Variants in THSD7B observed in about 807,000 individuals in gnomAD.
THSD7B encodes the protein thrombospondin type 1 domain containing 7B.
A neutral mutation model predicts 213.6 loss-of-function variants in THSD7B; 138 were observed. The ratio of observed to expected loss-of-function variants is 0.65; its 90% CI spans 0.56 to 0.74. The LOEUF (loss-of-function observed/expected upper bound fraction) is 0.74. Among genes scored for constraint, THSD7B ranks in the 30% least tolerant of loss-of-function variants. THSD7B has a pLI of 0.00. For missense variants in THSD7B, 1,931 were observed against 1,991.5 expected (o/e 0.97, Z 0.58); for synonymous variants, 742 against 687.0 (o/e 1.08, Z -1.25).
At chr2:136,865,483 C>A (rs1178645745) in intron 1 of THSD7B, among the ~76,000 whole-genome samples, 1 of 152,192 alleles carries the variant, frequency 6.6e-6, no homozygotes, top group Non-Finnish European at 1.5e-5. Context: ...TCAATTACTG[C>A]ACAGGGTATT....
At chr2:137,211,340 A>ACACACACACACACACACACACACAGAGG (rs1553479467) in intron 7 of THSD7B, among the ~76,000 whole-genome samples, 6,731 of 107,488 alleles carry the variant, frequency 0.063, 355 homozygotes, top group Non-Finnish European at 0.097. Flanking sequence ...CTACACACAC[A>ACACACACACACACACACACACACAGAGG]CACACACACA....
In THSD7B at chr2:137,213,223, G is replaced by A. The variant is rs566723517; in HGVS notation, c.1724-17821G>A. Among the ~76,000 whole-genome samples the A allele has an allele frequency of 3.6e-3, 551 of 151,178 alleles. 5 individuals are homozygous for A. Among genetic ancestry groups the A allele is most frequent in the African/African-American group, 0.013 (527 of 41,336 alleles). On this transcript the variant is annotated intron_variant, in intron 7 of 27. Coordinates refer to ENST00000409968, the MANE Select transcript of THSD7B (RefSeq NM_001316349.2). ...AAAATTTATATTTCATTGTTAGGTA[G>A]CTAGCTAGCTAGATATCAGGTAGGT...
At chr2:137,197,441 A>G (rs940081586) in intron 7 of THSD7B, among the ~76,000 whole-genome samples, 1 of 152,242 alleles carries the variant, frequency 6.6e-6, no homozygotes, top group Non-Finnish European at 1.5e-5. Context: ...ATAAAAATAA[A>G]TACATTGAAA....
intron 1 of THSD7B, among the ~76,000 whole-genome samples, chr2:136,825,721 T>TTTTTTTTTTTTGTTTTTTTTG (rs1161483426): frequency 6.2e-5 from 9 of 146,038 alleles, no homozygotes; most frequent in Admixed American, 1.4e-4. Context: ...CTGGCTAATT[T>TTTTTTTTTTTTGTTTTTTTTG]TTTTTTTTTT....
chr2:137,636,059 C>T (rs147026701), intron 20 of THSD7B, among the ~76,000 whole-genome samples: 2 of 152,232 alleles, frequency 1.3e-5, no homozygotes, highest in East Asian at 3.9e-4. Context: ...TGACACATAT[C>T]CAGGCAGTCC....
At chr2:136,915,390 C>T (rs1684333094) in intron 2 of THSD7B, among the ~76,000 whole-genome samples, 1 of 152,124 alleles carries the variant, frequency 6.6e-6, no homozygotes, top group African/African-American at 2.4e-5. Context: ...TGATGTTTTT[C>T]CTGTGATAGT....
chr2:137,416,124 T>C (rs1686793707), intron 14 of THSD7B, among the ~76,000 whole-genome samples: 1 of 152,226 alleles, frequency 6.6e-6, no homozygotes, highest in Non-Finnish European at 1.5e-5. Flanking sequence ...CCAAAGTATG[T>C]CTTGTCTTTT....
At chr2:137,156,028 C>T (rs551269996) in intron 5 of THSD7B, 1 of 152,224 alleles carries the variant, frequency 6.6e-6, no homozygotes, top group East Asian at 1.9e-4. Context: ...AGAAACCACC[C>T]AAAGTCTTGG....
At chr2:137,186,224 CTTTAA>C (rs1433572890) in intron 7 of THSD7B, among the ~76,000 whole-genome samples, 12 of 151,882 alleles carry the variant, frequency 7.9e-5, no homozygotes, top group African/African-American at 2.7e-4. Flanking sequence ...TGCAGAAGCT[CTTTAA>C]TTTAATTAGG....
intron 2 of THSD7B, among the ~76,000 whole-genome samples, chr2:137,004,342 CACACAA>C (rs1256311506): frequency 3.0e-5 from 4 of 134,108 alleles, no homozygotes; most frequent in African/African-American, 8.2e-5. Context: ...CACACACACA[CACACAA>C]ACTTATTCCA....
intron 12 of THSD7B, among the ~76,000 whole-genome samples, chr2:137,371,056 C>T (rs1685528754): frequency 1.3e-5 from 2 of 151,882 alleles, no homozygotes; most frequent in Non-Finnish European, 1.5e-5. Flanking sequence ...GAGTAAATGT[C>T]TTCTCAAGAT....
At chr2:136,900,589 G>C (rs778012277) in intron 2 of THSD7B, among the ~76,000 whole-genome samples, 32 of 152,080 alleles carry the variant, frequency 2.1e-4, no homozygotes, top group Non-Finnish European at 8.8e-5. Context: ...AAAGGGATCT[G>C]TTTCCTATAC....
chr2:137,370,943 C>CT lies in THSD7B; in HGVS notation c.2501-34661dup, dbSNP rs1004036131. 9.3e-5 allele frequency among the ~76,000 whole-genome samples: 14 copies of CT among 151,028 alleles called. No homozygotes were observed. In the East Asian group the frequency reaches 9.7e-4, roughly 10 times the overall value. On this transcript the variant is annotated intron_variant, in intron 12 of 27. Transcript: ENST00000409968. Reference sequence around the variant, plus strand: ...CCATGGGTAAATAAACTATGATAATCTTTTTTTTTCATGCAGCATTTTACT... The same window carrying CT: ...CCATGGGTAAATAAACTATGATAATCTTTTTTTTTTCATGCAGCATTTTACT...
At chr2:137,418,978 G>T (rs1018880840) in intron 14 of THSD7B, among the ~76,000 whole-genome samples, 1 of 151,876 alleles carries the variant, frequency 6.6e-6, no homozygotes, top group African/African-American at 2.4e-5. Flanking sequence ...TGCAATCTGG[G>T]CTCACTGCAA....
At chr2:137,246,850 A>G (rs1047452088) in intron 10 of THSD7B, among the ~76,000 whole-genome samples, 5 of 152,120 alleles carry the variant, frequency 3.3e-5, no homozygotes, top group African/African-American at 9.7e-5. Context: ...GGTCTAGTTA[A>G]TAATAGCAAC....
At chr2:137,279,893 T>C (rs1465478869) in intron 12 of THSD7B, among the ~76,000 whole-genome samples, 1 of 152,194 alleles carries the variant, frequency 6.6e-6, no homozygotes. Flanking sequence ...CCTTTATCAA[T>C]TTGGAAAAGT....
intron 21 of THSD7B, among the ~76,000 whole-genome samples, chr2:137,647,138 C>A (rs1401171124): frequency 6.6e-6 from 1 of 152,158 alleles, no homozygotes; most frequent in African/African-American, 2.4e-5. Flanking sequence ...TGCTCCATGT[C>A]CTGGAATGCT....
chr2:137,285,581 C>CT lies in THSD7B; in HGVS notation c.2500+9571dup, dbSNP rs200149229. Among the ~76,000 whole-genome samples, 986 of 126,640 alleles carry CT rather than the reference C, an allele frequency of 7.8e-3. 6 individuals carry two copies. Among genetic ancestry groups the CT allele is most frequent in the African/African-American group, 0.022 (754 of 33,958 alleles). 83.1% of individuals were successfully genotyped at this position (126,640 alleles called of 152,430 possible). The stretch of plus-strand genomic sequence containing the variant: ...ATGTTTAGTGCTTCCTTCAGGAGCT[C>CT]TTTTTTTTTTTTTTTTAGAAAAGAT... On this transcript the variant is annotated intron_variant, in intron 12 of 27. Coordinates refer to ENST00000409968, the MANE Select transcript of THSD7B (RefSeq NM_001316349.2).
At chr2:137,440,522 G>A (rs916025463) in intron 14 of THSD7B, among the ~76,000 whole-genome samples, 4 of 151,404 alleles carry the variant, frequency 2.6e-5, no homozygotes, top group Non-Finnish European at 4.4e-5. Context: ...TGGTAAAGAA[G>A]TCCTTAGTTT....
Sources: gnomAD v4.1 joint callset for allele counts (sites outside exome capture counted in the v4.1 genomes callset) on GRCh38, gnomAD v4.1.1 for gene constraint, MANE v1.5 for transcripts, NCBI Gene and HGNC (gene_info 2026-07-23, HGNC 2026-07-21) for gene names.